The following TENM2 variants were observed in gnomAD, a reference collection of about 807,000 sequenced individuals.
TENM2 encodes teneurin transmembrane protein 2.
TENM2 carries 52 observed loss-of-function variants against 245.2 expected under a neutral mutation model. The observed-to-expected ratio is 0.21, with a 90% CI of 0.17 to 0.27. TENM2 has a LOEUF of 0.27. Ranked by LOEUF, TENM2 falls within the 10% of genes least tolerant of loss-of-function variation. The pLI, the probability that TENM2 is intolerant of heterozygous loss-of-function variation, is 1.00. For synonymous variants in TENM2, 1,363 were observed against 1,438.9 expected (o/e 0.95, Z 1.19); for missense variants, 3,046 against 3,666.8 (o/e 0.83, Z 4.37).
intron 25 of TENM2, chr5:168,240,976 G>A (rs1358551092): frequency 6.6e-6 from 1 of 152,242 alleles, no homozygotes; most frequent in African/African-American, 2.4e-5. Context: ...CCAAGCTTCT[G>A]TTGGCAGAGG....
At chr5:168,232,760 A>G (rs1485644152) in intron 25 of TENM2, among the ~76,000 whole-genome samples, 1 of 152,198 alleles carries the variant, frequency 6.6e-6, no homozygotes, top group Admixed American at 6.5e-5. Context: ...AATCCTCCAG[A>G]CGGAGGCATC....
At chr5:167,819,894 C>G (rs1231166306) in intron 2 of TENM2, among the ~76,000 whole-genome samples, 1 of 152,150 alleles carries the variant, frequency 6.6e-6, no homozygotes, top group Non-Finnish European at 1.5e-5. Context: ...TGCTCTCCAT[C>G]CAGCTAGGAA....
chr5:167,550,699 AGTGTGTGTGTGTGTGT>A lies in TENM2; in HGVS notation c.502+175262_502+175277del, dbSNP rs10581183. Among the ~76,000 whole-genome samples, 95 of 114,174 alleles carry A rather than the reference AGTGTGTGTGTGTGTGT, an allele frequency of 8.3e-4. 1 individual carries two copies. The highest frequency in any genetic ancestry group is 2.8e-3 in the African/African-American group (81 of 28,984). 74.9% of individuals were successfully genotyped at this position (114,174 alleles called of 152,430 possible). ...AATTACCTTTTTTTTTGTTGTTGTT[AGTGTGTGTGTGTGTGT>A]GTGTGTGTGTGTGTGTGTGTGTGTG... On this transcript the variant is annotated intron_variant, in intron 2 of 28. Coordinates refer to ENST00000518659, the Ensembl canonical transcript of TENM2.
intron 2 of TENM2, among the ~76,000 whole-genome samples, chr5:167,406,167 T>G (rs192521358): frequency 1.3e-3 from 195 of 152,148 alleles, no homozygotes; most frequent in African/African-American, 4.5e-3. Flanking sequence ...ACGAATAGAC[T>G]CTTGTTTAAT....
Position 168,218,065 on chromosome 5 carries a change from A to G in TENM2, c.4234-60A>G. 2.6e-6 allele frequency: 4 copies of G among 1,544,938 alleles called. No individual in the cohort carries two copies. Among genetic ancestry groups the G allele is most frequent in the Non-Finnish European group, 3.5e-6 (4 of 1,138,012 alleles). The stretch of plus-strand genomic sequence containing the variant: ...GATATATAAAACCAGTAAGTGCCGT[A>G]CGGTTAAACGTTGGACATATTAAAG... On this transcript the variant is annotated intron_variant, in intron 22 of 28. Coordinates refer to ENST00000518659, the Ensembl canonical transcript of TENM2. The surrounding 1 kb of genome is among the most constrained non-coding windows in gnomAD (Gnocchi z 5.2).
chr5:167,018,391 T>TA, the TENM2 span, among the ~76,000 whole-genome samples: 8 of 151,566 alleles, frequency 5.3e-5, no homozygotes, highest in African/African-American at 1.7e-4. Context: ...TTTTTTTTTT[T>TA]ATGCCACTAA....
intron 25 of TENM2, among the ~76,000 whole-genome samples, chr5:168,237,147 C>G (rs1042807354): frequency 2.9e-4 from 42 of 146,712 alleles, no homozygotes; most frequent in East Asian, 2.1e-4. Context: ...TCCCAAGTAG[C>G]TGGGACTACA....
intron 12 of TENM2, among the ~76,000 whole-genome samples, chr5:168,140,611 A>C (rs1755458673): frequency 1.3e-5 from 2 of 152,082 alleles, no homozygotes; most frequent in Non-Finnish European, 2.9e-5. Flanking sequence ...ATCCATTACA[A>C]CGTGTCTCTG....
At chr5:168,127,669 T>G (rs1457532092) in intron 12 of TENM2, among the ~76,000 whole-genome samples, 1 of 152,198 alleles carries the variant, frequency 6.6e-6, no homozygotes, top group African/African-American at 2.4e-5. Context: ...AATCATCCCT[T>G]TGGTAGAGAA....
At chr5:167,879,672 G>T (rs1474179843) in intron 3 of TENM2, among the ~76,000 whole-genome samples, 1 of 151,890 alleles carries the variant, frequency 6.6e-6, no homozygotes, top group Non-Finnish European at 1.5e-5. Flanking sequence ...AAACATTGAG[G>T]TTTTTTTTAA....
intron 2 of TENM2, among the ~76,000 whole-genome samples, chr5:167,387,650 G>A (rs1266535571): frequency 6.6e-6 from 1 of 152,030 alleles, no homozygotes; most frequent in East Asian, 1.9e-4. Context: ...TGTTGGCTGG[G>A]GGTTTGTCAT....
At chr5:167,026,650 A>G in the TENM2 span, among the ~76,000 whole-genome samples, 1 of 152,342 alleles carries the variant, frequency 6.6e-6, no homozygotes, top group Admixed American at 6.5e-5. Context: ...ATGCGCAAGT[A>G]TGAGATCATT....
chr5:168,034,214 G>T (rs967773197), intron 5 of TENM2, among the ~76,000 whole-genome samples: 2 of 148,590 alleles, frequency 1.3e-5, no homozygotes, highest in Non-Finnish European at 3.0e-5. Context: ...GTTGTGGCAC[G>T]TGCCTGTAAT....
At chr5:167,203,428 G>C in the TENM2 span, among the ~76,000 whole-genome samples, 1 of 152,132 alleles carries the variant, frequency 6.6e-6, no homozygotes, top group African/African-American at 2.4e-5. Flanking sequence ...GGTATTTCCA[G>C]AACTGACCCC....
intron 25 of TENM2, chr5:168,231,148 A>C (rs1409884637): frequency 1.3e-5 from 2 of 152,242 alleles, no homozygotes; most frequent in Non-Finnish European, 2.9e-5. Flanking sequence ...CCCTGGTGAG[A>C]ACACTATCAG....
the TENM2 span, among the ~76,000 whole-genome samples, chr5:167,029,130 A>T: frequency 6.6e-6 from 1 of 152,202 alleles, no homozygotes; most frequent in Admixed American, 6.5e-5. Flanking sequence ...AAGCAAACCA[A>T]GTCATTTTAA....
At chr5:167,266,491 A>T in the TENM2 span, among the ~76,000 whole-genome samples, 1 of 152,128 alleles carries the variant, frequency 6.6e-6, no homozygotes, top group Non-Finnish European at 1.5e-5. Flanking sequence ...TATGCTGCTT[A>T]AAAAAATAGG....
intron 3 of TENM2, among the ~76,000 whole-genome samples, chr5:167,929,935 C>G (rs1205955239): frequency 1.3e-5 from 2 of 152,198 alleles, no homozygotes; most frequent in East Asian, 3.9e-4. Flanking sequence ...AGCAGTTCAG[C>G]TCTGCCTCTC....
intron 4 of TENM2, among the ~76,000 whole-genome samples, chr5:167,976,051 C>G (rs548988971): frequency 6.6e-6 from 1 of 152,174 alleles, no homozygotes; most frequent in African/African-American, 2.4e-5. Flanking sequence ...TTTTGTTTTC[C>G]TTCCTCGGCC....
Sources: gnomAD v4.1 joint callset for allele counts (sites outside exome capture counted in the v4.1 genomes callset) on GRCh38, gnomAD v4.1.1 for gene constraint, Gnocchi (gnomAD v3.1) non-coding constraint, MANE v1.5 for transcripts, NCBI Gene and HGNC (gene_info 2026-07-23, HGNC 2026-07-21) for gene names.